C6orf52: variants seen among roughly 807,000 people sequenced by gnomAD.
C6orf52 encodes the protein putative uncharacterized protein C6orf52.
C6orf52 carries 16 observed loss-of-function variants against 16.6 expected under a neutral mutation model. That is an observed-to-expected ratio of 0.96 (90% CI 0.65 to 1.46). C6orf52 has a LOEUF of 1.46. Among genes scored for constraint, C6orf52 ranks in the 40% most tolerant of loss-of-function variants. The probability of loss-of-function intolerance (pLI) is 0.00; values close to 1 mark genes in which losing one functional copy is unlikely to be tolerated. For synonymous variants in C6orf52, 53 were observed against 61.4 expected (o/e 0.86, Z 0.64); for missense variants, 166 against 182.3 (o/e 0.91, Z 0.52).
chr6:10,691,382 T>C (rs79274060), intron 1 of C6orf52, among the ~76,000 whole-genome samples: 2,573 of 152,114 alleles, frequency 0.017, 76 homozygotes, highest in African/African-American at 0.059. Context: ...GAGAGGGTCG[T>C]GATTGACTGA....
intron 3 of C6orf52, chr6:10,684,965 G>GA: frequency 2.7e-6 from 3 of 1,118,344 alleles, no homozygotes; most frequent in Non-Finnish European, 2.3e-6. Flanking sequence ...ATTCTTGTAT[G>GA]AAAAATGCAT....
At chr6:10,691,533 T>G (rs548128606) in intron 1 of C6orf52, among the ~76,000 whole-genome samples, 3 of 152,216 alleles carry the variant, frequency 2.0e-5, no homozygotes, top group African/African-American at 7.2e-5. Flanking sequence ...GGGGTCGATC[T>G]TTACCAGGCC....
chr6:10,672,561 C>T lies in C6orf52; in HGVS notation c.317-963G>A, dbSNP rs1009754077. On this transcript the variant is annotated intron_variant, in intron 4 of 4. Transcript: ENST00000259983. ...GCAACTCATACCTGTAACCCCAACA[C>T]TTTGGGAAGCTGAGACCAGTGAATT... 8.6e-6 allele frequency: 6 copies of T among 701,666 alleles called. No homozygotes were observed. The Admixed American group carries it at 1.2e-4, about 14-fold the overall frequency. The allele number at this position is 701,666 out of a possible 1,614,324, so 43.5% of individuals were successfully genotyped here.
intron 1 of C6orf52, among the ~76,000 whole-genome samples, chr6:10,692,947 C>T (rs1358522699): frequency 6.6e-6 from 1 of 152,136 alleles, no homozygotes; most frequent in African/African-American, 2.4e-5. Context: ...TGGCAGATGA[C>T]GTAGAAAGTA....
At chr6:10,694,620 C>T (rs992635510), upstream of C6orf52, 7 of 186,590 alleles carry the variant, frequency 3.8e-5, no homozygotes, top group Admixed American at 1.8e-4. Context: ...GGAAGTCGGC[C>T]CCACCTCCTC....
At chr6:10,682,817 G>A (rs943482461) in intron 4 of C6orf52, among the ~76,000 whole-genome samples, 9 of 152,056 alleles carry the variant, frequency 5.9e-5, no homozygotes, top group African/African-American at 2.2e-4. Context: ...GGTACCCCAG[G>A]ATCCAATAAC....
At chr6:10,683,327 A>G (rs1444369408) in intron 3 of C6orf52, 95 bp from the exon 4 acceptor site, 6 of 697,472 alleles carry the variant, frequency 8.6e-6, no homozygotes, top group Non-Finnish European at 1.2e-5. Context: ...TCTCAAAAAA[A>G]CTACCTAAAA....
chr6:10,674,491 CTGTA>C (rs1767694436), intron 4 of C6orf52, among the ~76,000 whole-genome samples: 2 of 152,246 alleles, frequency 1.3e-5, no homozygotes, highest in African/African-American at 2.4e-5. Flanking sequence ...ACAGAGAAAA[CTGTA>C]TGTATTTATC....
chr6:10,673,800 G>C (rs1299090218), intron 4 of C6orf52, among the ~76,000 whole-genome samples: 1 of 152,006 alleles, frequency 6.6e-6, no homozygotes, highest in Non-Finnish European at 1.5e-5. Context: ...GGTAATGTCT[G>C]AATAGCCCTC....
chr6:10,688,356 G>A (rs1315982562), intron 1 of C6orf52, among the ~76,000 whole-genome samples: 3 of 152,160 alleles, frequency 2.0e-5, no homozygotes, highest in Non-Finnish European at 4.4e-5. Context: ...GAAGTAGCAA[G>A]GTTACACAGT....
chr6:10,690,986 T>C (rs1769242510), intron 1 of C6orf52, among the ~76,000 whole-genome samples: 1 of 152,198 alleles, frequency 6.6e-6, no homozygotes, highest in Admixed American at 6.5e-5. Context: ...CAGCCATGCA[T>C]AAAATGAAAT....
chr6:10,691,481 T>C (rs1330597166), intron 1 of C6orf52, among the ~76,000 whole-genome samples: 3 of 152,142 alleles, frequency 2.0e-5, no homozygotes, highest in Admixed American at 6.5e-5. Context: ...TGCTTTTCTA[T>C]ACAATGTCTC....
Position 10,671,534 on chromosome 6 carries a change from G to A in C6orf52, c.381C>T (p.Leu127=), listed in dbSNP as rs753169660. The part of the protein sequence containing the change: ...NQEFMVKSEE[L]YDSLMNCHWQ... Reference sequence around the variant, plus strand: ...AGTGGCAATTCATGAGGGAGTCGTAGAGTTCTTCACTTTTCACCATAAACT... The same window carrying A: ...AGTGGCAATTCATGAGGGAGTCGTAAAGTTCTTCACTTTTCACCATAAACT... Residue 127 remains leucine (L), a synonymous_variant, in exon 5 of 5, where the codon CTC becomes CTT. Transcript: ENST00000259983. 1.3e-6 allele frequency: 2 copies of A among 1,549,276 alleles called. No individual in the cohort carries two copies. The highest frequency in any genetic ancestry group is 2.0e-5 in the Admixed American group (1 of 50,880).
Position 10,671,525 on chromosome 6 carries a change from G to A in C6orf52, c.390C>T (p.Ser130=). 6.5e-7 allele frequency: 1 copy of A among 1,549,692 alleles called. No individual in the cohort carries two copies. The highest frequency in any genetic ancestry group is 8.7e-7 in the Non-Finnish European group (1 of 1,145,528). Residue 130 remains serine (S), a synonymous_variant, in exon 5 of 5, where the codon TCC becomes TCT. Transcript: ENST00000259983. ...GAGGCTGCCAGTGGCAATTCATGAG[G>A]GAGTCGTAGAGTTCTTCACTTTTCA... The part of the protein sequence containing the change: ...FMVKSEELYD[S]LMNCHWQPLD...
intron 3 of C6orf52, among the ~76,000 whole-genome samples, chr6:10,685,498 A>G (rs1011169621): frequency 6.6e-5 from 10 of 152,234 alleles, no homozygotes; most frequent in Admixed American, 2.6e-4. Context: ...TTTAAAAGCC[A>G]AGGGACTAGA....
chr6:10,681,974 C>A (rs1041538922), intron 4 of C6orf52, among the ~76,000 whole-genome samples: 1 of 152,144 alleles, frequency 6.6e-6, no homozygotes, highest in Non-Finnish European at 1.5e-5. Flanking sequence ...TAAGGGCCCA[C>A]GTGCACATTG....
chr6:10,694,594 C>A lies in C6orf52; in HGVS notation c.-112G>T, dbSNP rs957632887. 8.4e-5 allele frequency: 15 copies of A among 179,514 alleles called. No individual in the cohort carries two copies. Among genetic ancestry groups the A allele is most frequent in the African/African-American group, 3.3e-4 (14 of 42,252 alleles). 11.1% of individuals were successfully genotyped at this position (179,514 alleles called of 1,614,324 possible). On this transcript the variant is annotated 5_prime_UTR_variant, in exon 1 of 5. Coordinates refer to ENST00000259983, the MANE Select transcript of C6orf52 (RefSeq NM_001145020.3). The stretch of plus-strand genomic sequence containing the variant: ...CAATGCACGCTGCCGGCGCTACAGC[C>A]CCTAAGCAACCGGCCGGAAGTCGGC...
At chr6:10,693,898 T>C (rs1769588434) in intron 1 of C6orf52, among the ~76,000 whole-genome samples, 1 of 152,046 alleles carries the variant, frequency 6.6e-6, no homozygotes, top group Non-Finnish European at 1.5e-5. Context: ...TGGGCTAATT[T>C]ATAACATTTT....
chr6:10,694,608 C>G lies in C6orf52; in HGVS notation c.-126G>C. ...GGCGCTACAGCCCCTAAGCAACCGG[C>G]CGGAAGTCGGCCCCACCTCCTCCTG... On this transcript the variant is annotated 5_prime_UTR_variant, in exon 1 of 5. Transcript: ENST00000259983. 1 of 178,120 alleles carries G rather than the reference C, an allele frequency of 5.6e-6. No homozygotes were observed. 11.0% of individuals were successfully genotyped at this position (178,120 alleles called of 1,614,324 possible).
Sources: allele counts gnomAD v4.1 joint callset (sites outside exome capture counted in the v4.1 genomes callset), GRCh38; gene constraint gnomAD v4.1.1; transcripts MANE v1.5; gene names NCBI Gene and HGNC (gene_info 2026-07-23, HGNC 2026-07-21).